The following ZFAND4 variants were observed in gnomAD, a reference collection of about 807,000 sequenced individuals.
ZFAND4 encodes AN1-type zinc finger protein 4.
A neutral mutation model predicts 64.4 loss-of-function variants in ZFAND4; 43 were observed. That is an observed-to-expected ratio of 0.67 (90% CI 0.52 to 0.86). ZFAND4 has a LOEUF of 0.86. Ranked by LOEUF, ZFAND4 falls within the 40% of genes least tolerant of loss-of-function variation. The pLI is 0.00. For synonymous variants in ZFAND4, 296 were observed against 305.7 expected (o/e 0.97, Z 0.33); for missense variants, 929 against 859.8 (o/e 1.08, Z -1.01).
intron 2 of ZFAND4, 125 bp from the exon 3 acceptor site, chr10:45,653,184 AT>A: frequency 1.5e-6 from 1 of 683,430 alleles, no homozygotes; most frequent in Non-Finnish European, 2.4e-6. Context: ...TCTAAATTGA[AT>A]GCTAGGTGCT....
At chr10:45,631,246 G>A (rs1481967180) in intron 6 of ZFAND4, among the ~76,000 whole-genome samples, 1 of 150,212 alleles carries the variant, frequency 6.7e-6, no homozygotes, top group Admixed American at 6.6e-5. Flanking sequence ...GAACCTGGGA[G>A]GCGGAGCTTG....
At chr10:45,635,834 T>C (rs1048657571) in intron 6 of ZFAND4, among the ~76,000 whole-genome samples, 8 of 152,338 alleles carry the variant, frequency 5.3e-5, no homozygotes, top group African/African-American at 1.9e-4. Context: ...TTAACATTAC[T>C]GAACTGTTTG....
chr10:45,671,254 T>G (rs1328005817), intron 1 of ZFAND4, among the ~76,000 whole-genome samples: 1 of 152,194 alleles, frequency 6.6e-6, no homozygotes, highest in Non-Finnish European at 1.5e-5. Context: ...AGTTCAACCG[T>G]TGTGGAAAAC....
Position 45,626,747 on chromosome 10 carries a change from A to T in ZFAND4, c.1076T>A (p.Leu359His), listed in dbSNP as rs144142701. Residue 359 changes from leucine (L) to histidine (H), a missense_variant, in exon 7 of 10, where the codon CTT becomes CAT. Transcript: ENST00000344646. ...TGTTTGCCTAGGCAGGGATGATCCA[A>T]GATGGAGAACAGAGTCAGCAAGCTC... ...DQELADSVLH[L>H]GSSLPRQTKH... The T allele has an allele frequency of 8.2e-4, 1,329 of 1,614,236 alleles. 4 individuals are homozygous for T. The Middle Eastern group carries it at 0.017, about 20-fold the overall frequency.
chr10:45,624,571 T>C lies in ZFAND4; in HGVS notation c.1927+12A>G, dbSNP rs1213837909. On this transcript the variant is annotated intron_variant, in intron 8 of 9. Coordinates refer to ENST00000344646, the MANE Select transcript of ZFAND4 (RefSeq NM_174890.4). ...CAGCCTTGTATTGTTTTCAAAATTATCTGTAGCTTACCTACGCTTTTCCCT... is the reference window on the plus strand; with the variant it reads ...CAGCCTTGTATTGTTTTCAAAATTACCTGTAGCTTACCTACGCTTTTCCCT... 9 of 1,613,066 alleles carry C rather than the reference T, an allele frequency of 5.6e-6. No individual in the cohort carries two copies. The highest frequency in any genetic ancestry group is 1.6e-4 in the Middle Eastern group (1 of 6,080).
At position 45,627,035 on chromosome 10, in the gene ZFAND4, G is replaced by C; in HGVS notation, c.788C>G (p.Pro263Arg). The C allele has an allele frequency of 6.2e-7, 1 of 1,602,298 alleles. No homozygotes were observed. Among genetic ancestry groups the C allele is most frequent in the Non-Finnish European group, 8.5e-7 (1 of 1,173,232 alleles). ...APRPSSGSTA[P>R]SRHRLLRVLP... ...GACCCTTAACAATCGGTGGCGAGAT[G>C]GTGCAGTGGAACCACTAGAAGGTCG... Residue 263 changes from proline to arginine, a missense_variant, in exon 7 of 10, where the codon CCA (proline) becomes CGA (arginine). By Grantham distance (103) the Pro-to-Arg change is moderately radical (BLOSUM62 -2). Transcript: ENST00000344646.
Position 45,627,094 on chromosome 10 carries a change from A to G in ZFAND4, c.729T>C (p.Ala243=). The G allele has an allele frequency of 6.5e-7, 1 of 1,536,156 alleles. No individual in the cohort carries two copies. The highest frequency in any genetic ancestry group is 8.7e-7 in the Non-Finnish European group (1 of 1,143,744). ...CAGGTGGGTGAGGTTTTATCTTGAC[A>G]GCTTTCTTAGGCTAAAAGGAATGAA... is the stretch of plus-strand genomic sequence containing the variant. ...NMNLSKKPKK[A]VKIKPHPPVA... is the part of the protein sequence containing the mutation. The change falls in exon 7 of 10, where the codon GCT becomes GCC. Residue 243 remains alanine (A), a synonymous_variant. Coordinates refer to ENST00000344646, the MANE Select transcript of ZFAND4 (RefSeq NM_174890.4).
intron 5 of ZFAND4, among the ~76,000 whole-genome samples, chr10:45,642,713 G>T (rs2047096324): frequency 6.9e-6 from 1 of 145,594 alleles, no homozygotes; most frequent in African/African-American, 2.6e-5. Flanking sequence ...ACATTATTTT[G>T]TTTTCTCTCA....
At chr10:45,631,379 A>G (rs545565915) in intron 6 of ZFAND4, among the ~76,000 whole-genome samples, 1 of 151,432 alleles carries the variant, frequency 6.6e-6, no homozygotes, top group Non-Finnish European at 1.5e-5. Context: ...CTAAAAAAAA[A>G]AAACATATAA....
At chr10:45,638,421 G>A (rs1028675879) in intron 6 of ZFAND4, among the ~76,000 whole-genome samples, 1 of 151,602 alleles carries the variant, frequency 6.6e-6, no homozygotes, top group African/African-American at 2.4e-5. Context: ...GTGAACCCGG[G>A]AGGCAGAGCT....
At chr10:45,634,446 T>C (rs1589297874) in intron 6 of ZFAND4, among the ~76,000 whole-genome samples, 2 of 151,594 alleles carry the variant, frequency 1.3e-5, no homozygotes, top group East Asian at 3.9e-4. Flanking sequence ...GGAGAATCGC[T>C]TGAACCCAGG....
rs2044898770 is a variant in ZFAND4 at position 45,615,605 on chromosome 10, G to A, written c.*831C>T. On this transcript the variant is annotated 3_prime_UTR_variant, in exon 10 of 10. Transcript: ENST00000344646. ...AAATAATGAAATTCATAATGAAATT[G>A]AATATTTATTTGAATTTCTCCTGGT... 6.6e-6 allele frequency: 1 copy of A among 151,976 alleles called. No homozygotes were observed. Among genetic ancestry groups the A allele is most frequent in the East Asian group, 1.9e-4 (1 of 5,194 alleles). The allele number at this position is 151,976 out of a possible 1,614,324, so 9.4% of individuals were successfully genotyped here. A position where few individuals can be genotyped will look rare whatever the true frequency, so the allele number is the denominator to read the frequency against.
rs1222391115 is a variant in ZFAND4, at chr10:45,626,112, C to G, written c.1711G>C (p.Ala571Pro). Residue 571 changes from alanine (A) to proline (P), a missense_variant, in exon 7 of 10, where the codon GCC (alanine) becomes CCC (proline). Ala to Pro is a conservative substitution (Grantham distance 27). Transcript: ENST00000344646. Reference protein sequence around the residue: ...VGCVNNISFLASLAGSTSRNR... With the variant: ...VGCVNNISFLPSLAGSTSRNR... ...CTGCTTGTGCTCCCGGCCAGTGAGG[C>G]AAGAAAACTGATATTATTTACACAA... 1.9e-6 allele frequency: 3 copies of G among 1,614,054 alleles called. No homozygotes were observed. The highest frequency in any genetic ancestry group is 2.5e-6 in the Non-Finnish European group (3 of 1,180,032).
intron 2 of ZFAND4, 130 bp downstream of exon 2, chr10:45,663,412 G>A: frequency 3.1e-6 from 2 of 649,956 alleles, no homozygotes; most frequent in South Asian, 2.3e-5. Context: ...GGAGTAGGAG[G>A]GGGTTCATTA....
intron 2 of ZFAND4, among the ~76,000 whole-genome samples, chr10:45,654,810 C>T (rs2047996415): frequency 6.6e-6 from 1 of 152,032 alleles, no homozygotes; most frequent in African/African-American, 2.4e-5. Flanking sequence ...GAAGATATTA[C>T]AATCCTAAAT....
At chr10:45,663,946 G>A in intron 1 of ZFAND4, 104 bp from the exon 2 acceptor site, 3 of 406,168 alleles carry the variant, frequency 7.4e-6, no homozygotes, top group South Asian at 8.8e-5. Context: ...GACGGCCCCA[G>A]AATTCACTTT....
At chr10:45,640,956 G>A (rs187596498) in intron 5 of ZFAND4, among the ~76,000 whole-genome samples, 6 of 152,252 alleles carry the variant, frequency 3.9e-5, no homozygotes, top group Non-Finnish European at 7.3e-5. Flanking sequence ...CCACAGCGAC[G>A]TTATTCATAT....
At chr10:45,636,952 G>C (rs947880574) in intron 6 of ZFAND4, among the ~76,000 whole-genome samples, 1 of 151,184 alleles carries the variant, frequency 6.6e-6, no homozygotes, top group Non-Finnish European at 1.5e-5. Context: ...ATTTAGGACT[G>C]TGAAGAAAGG....
chr10:45,664,509 C>T (rs961056948), intron 1 of ZFAND4, among the ~76,000 whole-genome samples: 2 of 151,704 alleles, frequency 1.3e-5, no homozygotes, highest in African/African-American at 2.4e-5. Context: ...CCTTGTGATC[C>T]ACCCGCCTCG....
Sources: allele counts gnomAD v4.1 joint callset (sites outside exome capture counted in the v4.1 genomes callset), GRCh38; gene constraint gnomAD v4.1.1; transcripts MANE v1.5; gene names NCBI Gene and HGNC (gene_info 2026-07-23, HGNC 2026-07-21).